Variants in DENND2B observed in about 807,000 individuals in gnomAD.
DENND2B encodes DENN domain-containing protein 2B.
In DENND2B, 32 loss-of-function variants were observed where a neutral mutation model predicts 116.0. The ratio of observed to expected loss-of-function variants is 0.28; its 90% CI spans 0.21 to 0.37. DENND2B has a LOEUF of 0.37. Among genes scored for constraint, DENND2B ranks in the 10% least tolerant of loss-of-function variants. The pLI is 1.00. For synonymous variants in DENND2B, 588 were observed against 583.9 expected, an observed-to-expected ratio of 1.01 and a Z score of -0.10; for missense variants, 1,276 against 1,477.7, an observed-to-expected ratio of 0.86 and a Z score of 2.24.
At chr11:8,728,472 A>C (rs2047517277) in intron 3 of DENND2B, among the ~76,000 whole-genome samples, 1 of 152,196 alleles carries the variant, frequency 6.6e-6, no homozygotes, top group Non-Finnish European at 1.5e-5. Context: ...GCACAGATTT[A>C]AGTTTGCTAA....
intron 2 of DENND2B, among the ~76,000 whole-genome samples, chr11:8,745,823 G>T (rs939586296): frequency 3.3e-5 from 5 of 152,170 alleles, no homozygotes; most frequent in African/African-American, 1.2e-4. Flanking sequence ...AGTCCCAACT[G>T]ACCGCCAGCA....
chr11:8,897,849 A>T (rs991597096), intron 1 of DENND2B, among the ~76,000 whole-genome samples: 1 of 152,166 alleles, frequency 6.6e-6, no homozygotes, highest in Admixed American at 6.6e-5. Flanking sequence ...ACAGTGGCAC[A>T]ATTACAGCTC....
At chr11:8,892,562 G>GAT (rs1433654882) in intron 1 of DENND2B, among the ~76,000 whole-genome samples, 1 of 151,988 alleles carries the variant, frequency 6.6e-6, no homozygotes, top group Admixed American at 6.6e-5. Context: ...TGATAAAGGG[G>GAT]ATATCACCAC....
chr11:8,750,760 T>C (rs1437309760), intron 1 of DENND2B, 35 bp from the exon 2 acceptor site: 1 of 1,603,790 alleles, frequency 6.2e-7, no homozygotes, highest in African/African-American at 1.3e-5. Flanking sequence ...GCCAAGTTTC[T>C]ATAGGCAGCC....
intron 14 of DENND2B, among the ~76,000 whole-genome samples, chr11:8,701,106 A>AAGGGGG (rs2133710924): frequency 6.6e-6 from 1 of 152,234 alleles, no homozygotes; most frequent in East Asian, 1.9e-4. Context: ...GCAGCTCAAA[A>AAGGGGG]ATGTTTCTTG....
At chr11:8,843,748 C>A (rs905031033) in intron 3 of DENND2B, among the ~76,000 whole-genome samples, 7 of 152,194 alleles carry the variant, frequency 4.6e-5, no homozygotes, top group Non-Finnish European at 8.8e-5. Context: ...TGCTTTCCCC[C>A]AAGGTTGATC....
chr11:8,764,306 G>A, intron 1 of DENND2B, among the ~76,000 whole-genome samples: 1 of 152,118 alleles, frequency 6.6e-6, no homozygotes, highest in East Asian at 1.9e-4. Context: ...GATCATTAGG[G>A]CTCAATTTCC....
At chr11:8,784,099 A>G (rs1198053499) in intron 1 of DENND2B, 1 of 152,254 alleles carries the variant, frequency 6.6e-6, no homozygotes, top group East Asian at 1.9e-4. Context: ...AGAACTTCAT[A>G]AAGTCTGTCA....
intron 3 of DENND2B, among the ~76,000 whole-genome samples, chr11:8,728,033 C>A (rs558487992): frequency 2.7e-5 from 4 of 150,576 alleles, no homozygotes; most frequent in Non-Finnish European, 5.9e-5. Context: ...GAGACAAGGT[C>A]TTGTGCTGTT....
intron 1 of DENND2B, chr11:8,784,450 A>G (rs1272801329): frequency 1.3e-5 from 2 of 151,978 alleles, no homozygotes; most frequent in Non-Finnish European, 2.9e-5. Flanking sequence ...AAGGGTGTCA[A>G]AGGAGACAAA....
chr11:8,725,986 A>T, intron 4 of DENND2B, 87 bp downstream of exon 4: 1 of 1,584,086 alleles, frequency 6.3e-7, no homozygotes, highest in Non-Finnish European at 8.6e-7. Context: ...GCCCACAGTG[A>T]AGGAGGTCAA....
chr11:8,790,556 C>T (rs904735596), intron 1 of DENND2B, among the ~76,000 whole-genome samples: 20 of 152,022 alleles, frequency 1.3e-4, no homozygotes, highest in Admixed American at 1.0e-3. Flanking sequence ...ATCACTTGAG[C>T]CCAAGAGTTC....
chr11:8,799,561 C>CTTTTTTTTTT (rs67190732), intron 1 of DENND2B, among the ~76,000 whole-genome samples: 1 of 114,048 alleles, frequency 8.8e-6, no homozygotes, highest in South Asian at 3.1e-4. Context: ...TCCTTTTTCT[C>CTTTTTTTTTT]TTTTTTTTTT....
At chr11:8,875,645 T>A (rs967123000), upstream of DENND2B, among the ~76,000 whole-genome samples, 5 of 151,876 alleles carry the variant, frequency 3.3e-5, no homozygotes, top group Non-Finnish European at 7.4e-5. Flanking sequence ...CCCAGGCTGG[T>A]CTCAAACTCC....
intron 4 of DENND2B, among the ~76,000 whole-genome samples, chr11:8,821,571 C>A (rs2061769030): frequency 1.8e-5 from 1 of 56,456 alleles, no homozygotes; most frequent in African/African-American, 4.2e-5. Flanking sequence ...AGAGAGAGAT[C>A]CTGTCTCAAA....
At chr11:8,854,940 G>A (rs1433103289) in intron 3 of DENND2B, among the ~76,000 whole-genome samples, 1 of 152,064 alleles carries the variant, frequency 6.6e-6, no homozygotes, top group African/African-American at 2.4e-5. Context: ...TCAAACTCCT[G>A]GCCTCAAGTG....
At chr11:8,778,974 A>C (rs924078930) in intron 1 of DENND2B, among the ~76,000 whole-genome samples, 1 of 152,224 alleles carries the variant, frequency 6.6e-6, no homozygotes, top group Non-Finnish European at 1.5e-5. Flanking sequence ...TCCAAGTTCC[A>C]ATAGCAGGCT....
chr11:8,807,566 T>C (rs561508798), intron 1 of DENND2B, among the ~76,000 whole-genome samples: 2 of 152,250 alleles, frequency 1.3e-5, no homozygotes, highest in East Asian at 3.9e-4. Context: ...GGGTGACTGA[T>C]ATCTAATTTG....
intron 1 of DENND2B, among the ~76,000 whole-genome samples, chr11:8,799,977 A>T (rs964969783): frequency 6.7e-6 from 1 of 150,122 alleles, no homozygotes; most frequent in Non-Finnish European, 1.5e-5. Flanking sequence ...TTTTAGAGAC[A>T]GGATCTTGCT....
Sources: allele counts gnomAD v4.1 joint callset (sites outside exome capture counted in the v4.1 genomes callset), GRCh38; gene constraint gnomAD v4.1.1; transcripts MANE v1.5; gene names NCBI Gene and HGNC (gene_info 2026-07-23, HGNC 2026-07-21).